Variants in CBLC observed in about 807,000 individuals in gnomAD.
The protein encoded by CBLC is Cbl proto-oncogene C, also known as E3 ubiquitin-protein ligase CBL-C.
In CBLC, 46 loss-of-function variants were observed where a neutral mutation model predicts 58.6. The observed-to-expected ratio is 0.79, with a 90% confidence interval of 0.62 to 1.00. CBLC has a LOEUF of 1.00. Among genes scored for constraint, CBLC ranks in the 50% least tolerant of loss-of-function variants. The pLI, the probability that CBLC is intolerant of heterozygous loss-of-function variation, is 0.00. For missense variants in CBLC, 655 were observed against 625.8 expected, an observed-to-expected ratio of 1.05 and a Z score of -0.50; for synonymous variants, 271 against 264.2, an observed-to-expected ratio of 1.03 and a Z score of -0.25.
intron 9 of CBLC, among the ~76,000 whole-genome samples, chr19:44,794,795 C>A (rs1313251746): frequency 6.6e-6 from 1 of 151,892 alleles, no homozygotes; most frequent in African/African-American, 2.4e-5. Context: ...TCCAGCATCC[C>A]AGATGTGTCC....
upstream of CBLC, chr19:44,777,872 C>G (rs1236378831): frequency 1.3e-5 from 19 of 1,410,966 alleles, no homozygotes; most frequent in Non-Finnish European, 1.8e-5. Flanking sequence ...TCCTTTCACT[C>G]TGGGCGAGGC....
chr19:44,786,610 A>C (rs1967916049), intron 5 of CBLC, among the ~76,000 whole-genome samples: 1 of 151,674 alleles, frequency 6.6e-6, no homozygotes. Context: ...AAAAAAAAAG[A>C]AAAAAAGAAA....
Position 44,781,340 on chromosome 19 carries a change from G to A in CBLC, c.634G>A (p.Asp212Asn), listed in dbSNP as rs749488002. The A allele has an allele frequency of 7.4e-6, 12 of 1,610,822 alleles. No homozygotes were observed. Among genetic ancestry groups the A allele is most frequent in the Middle Eastern group, 1.6e-4 (1 of 6,084 alleles). Reference sequence around the variant, plus strand: ...CGGGCACGTGTCCATCTTCGAGTTCGACGTCTTCACCAGGCTCTTTCAGGT... The same window carrying A: ...CGGGCACGTGTCCATCTTCGAGTTCAACGTCTTCACCAGGCTCTTTCAGGT... ...CSGHVSIFEF[D>N]VFTRLFQPWP... The change falls in exon 3 of 11, where the codon GAC (aspartate) becomes AAC (asparagine). Residue 212 changes from aspartate (D) to asparagine (N), a missense_variant. This residue lies in a region of CBLC where 371 missense variants were observed against 370.8 expected (regional missense o/e 1.00). Coordinates refer to ENST00000647358, the MANE Select transcript of CBLC (RefSeq NM_012116.4).
intron 8 of CBLC, 22 bp downstream of exon 8, chr19:44,793,642 C>A: frequency 6.4e-7 from 1 of 1,561,230 alleles, no homozygotes; most frequent in Non-Finnish European, 8.6e-7. Context: ...CAGCCGGGAG[C>A]TGGAATCCAA....
rs760567497 is a variant in CBLC at position 44,781,344 on chromosome 19, T to A, written c.638T>A (p.Val213Asp). ...SGHVSIFEFD[V>D]FTRLFQPWPT... ...CACGTGTCCATCTTCGAGTTCGACG[T>A]CTTCACCAGGCTCTTTCAGGTCAGG... The change falls in exon 3 of 11, where the codon GTC becomes GAC. Residue 213 changes from valine to aspartate, a missense_variant. Physicochemically the swap from Val to Asp is radical, Grantham distance 152. Transcript: ENST00000647358. 1 of 1,610,516 alleles carries A rather than the reference T, an allele frequency of 6.2e-7. No homozygotes were observed. The highest frequency in any genetic ancestry group is 1.1e-5 in the South Asian group (1 of 91,080).
rs758907585 is a variant in CBLC at position 44,792,389 on chromosome 19, C to G, written c.1012C>G (p.Leu338Val). The G allele has an allele frequency of 6.2e-7, 1 of 1,613,536 alleles. No homozygotes were observed. Among genetic ancestry groups the G allele is most frequent in the Non-Finnish European group, 8.5e-7 (1 of 1,179,916 alleles). Reference sequence around the variant, plus strand: ...CTATCCTCTCACCTGCCAGGAGCAGCTGCAGCTCTACTGGGCCATGGACTC... The same window carrying G: ...CTATCCTCTCACCTGCCAGGAGCAGGTGCAGCTCTACTGGGCCATGGACTC... ...QQRIHVSEEQ[L>V]QLYWAMDSTF... is the part of the protein sequence containing the mutation. The change falls in exon 7 of 11, where the codon CTG (leucine) becomes GTG (valine). Residue 338 changes from leucine (L) to valine (V), a missense_variant. Physicochemically the swap from Leu to Val is conservative, Grantham distance 32. Around this residue, in one of 3 missense-constraint regions of CBLC, gnomAD observed 371 missense variants for 370.8 expected, o/e 1.00. Transcript: ENST00000647358.
intron 8 of CBLC, 67 bp downstream of exon 8, chr19:44,793,687 T>C: frequency 6.9e-7 from 1 of 1,453,722 alleles, no homozygotes; most frequent in Non-Finnish European, 9.4e-7. Context: ...GACTGGAGCC[T>C]GGACTCCTGG....
chr19:44,792,556 C>T lies in CBLC; in HGVS notation c.1137+42C>T, dbSNP rs756093858. The T allele has an allele frequency of 1.7e-5, 26 of 1,527,746 alleles. No homozygotes were observed. The East Asian group carries it at 2.6e-4, about 15-fold the overall frequency. The allele number at this position is 1,527,746 out of a possible 1,614,324, so 94.6% of individuals were successfully genotyped here. On this transcript the variant is annotated intron_variant, in intron 7 of 10. Transcript: ENST00000647358. ...TGGCGCCTTCCCCTCTGGTCTCCCCCTCTCTACAGGGAAAGCCCCAAAAGG... is the reference window on the plus strand; with the variant it reads ...TGGCGCCTTCCCCTCTGGTCTCCCCTTCTCTACAGGGAAAGCCCCAAAAGG...
chr19:44,800,264 C>T (rs1268630176), intron 9 of CBLC, 117 bp from the exon 10 acceptor site: 3 of 705,968 alleles, frequency 4.2e-6, no homozygotes, highest in African/African-American at 3.6e-5. Context: ...GAAGCCACCT[C>T]CAGCCCCCAG....
intron 9 of CBLC, 74 bp from the exon 10 acceptor site, chr19:44,800,307 G>A (rs1395568615): frequency 4.6e-6 from 5 of 1,077,650 alleles, no homozygotes; most frequent in African/African-American, 1.6e-5. Context: ...AAGACAAAGG[G>A]GACAGGGAAG....
intron 1 of CBLC, among the ~76,000 whole-genome samples, chr19:44,779,948 G>A (rs1165782330): frequency 6.6e-6 from 1 of 152,058 alleles, no homozygotes; most frequent in Non-Finnish European, 1.5e-5. Context: ...AATTATAAGA[G>A]AGTGATCAAA....
rs770219520 is a variant in CBLC at position 44,780,902 on chromosome 19, C to T, written c.354-3C>T. 4 of 1,611,074 alleles carry T rather than the reference C, an allele frequency of 2.5e-6. No individual in the cohort carries two copies. Among genetic ancestry groups the T allele is most frequent in the South Asian group, 2.2e-5 (2 of 91,012 alleles). On this transcript the variant is annotated splice_polypyrimidine_tract_variant and splice_region_variant and intron_variant, in intron 1 of 10. Transcript: ENST00000647358. ...TAGCCAGAGTCCTTGCCCATCCCCA[C>T]AGGCGACAGCTGGCCAAGCTGGCCA...
At chr19:44,795,340 A>G (rs1434901164) in intron 9 of CBLC, among the ~76,000 whole-genome samples, 3 of 151,590 alleles carry the variant, frequency 2.0e-5, no homozygotes, top group Admixed American at 1.3e-4. Context: ...ACATCACAAG[A>G]CCCCAACACT....
rs1967772777 is a variant in CBLC at position 44,782,379 on chromosome 19, A to G, written c.667A>G (p.Thr223Ala). 1 of 1,613,780 alleles carries G rather than the reference A, an allele frequency of 6.2e-7. No homozygotes were observed. Among genetic ancestry groups the G allele is most frequent in the Non-Finnish European group, 8.5e-7 (1 of 1,179,800 alleles). The change falls in exon 4 of 11, where the codon ACA becomes GCA. Residue 223 changes from threonine (T) to alanine (A), a missense_variant. Physicochemically the swap from Thr to Ala is moderately conservative, Grantham distance 58. Around this residue, in one of 3 missense-constraint regions of CBLC, gnomAD observed 371 missense variants for 370.8 expected, o/e 1.00. Coordinates refer to ENST00000647358, the MANE Select transcript of CBLC (RefSeq NM_012116.4). Reference protein sequence around the residue: ...VFTRLFQPWPTLLKNWQLLAV... With the variant: ...VFTRLFQPWPALLKNWQLLAV... ...CCCTGCCCCACCCCAGCCATGGCCA[A>G]CACTCCTCAAGAACTGGCAGCTCCT...
intron 3 of CBLC, 80 bp downstream of exon 3, chr19:44,781,443 G>A: frequency 7.7e-6 from 11 of 1,426,402 alleles, no homozygotes; most frequent in Non-Finnish European, 1.1e-5. Context: ...CTGGGTCTGA[G>A]GGAGGAAGGG....
intron 6 of CBLC, among the ~76,000 whole-genome samples, chr19:44,791,837 A>T (rs866618060): frequency 4.8e-4 from 71 of 148,286 alleles, no homozygotes; most frequent in East Asian, 3.5e-3. Context: ...TTGGTTTATT[A>T]TTTTTTTTTT....
Position 44,784,339 on chromosome 19 carries a change from G to A in CBLC, c.855G>A (p.Leu285=), listed in dbSNP as rs779685464. The change falls in exon 5 of 11, where the codon CTG becomes CTA. Residue 285 remains leucine (L), a synonymous_variant. Transcript: ENST00000647358. The stretch of plus-strand genomic sequence containing the variant: ...ATGTGAGCTCAGATGGCAGCATCCT[G>A]CAGACCATCCCTGCCAACAAACCCC... ...IGYVSSDGSI[L]QTIPANKPLS... 1.9e-6 allele frequency: 3 copies of A among 1,602,408 alleles called. No homozygotes were observed. In the African/African-American group the frequency reaches 4.0e-5, roughly 21 times the overall value.
intron 3 of CBLC, among the ~76,000 whole-genome samples, 165 bp downstream of exon 3, chr19:44,781,528 T>TG (rs1568556404): frequency 1.1e-4 from 8 of 73,996 alleles, no homozygotes; most frequent in East Asian, 3.8e-4. Flanking sequence ...AGGAGGGGGC[T>TG]GGGACCTGGA....
chr19:44,793,396 C>A (rs1405536711), intron 7 of CBLC, 78 bp from the exon 8 acceptor site: 1 of 1,426,182 alleles, frequency 7.0e-7, no homozygotes. Flanking sequence ...ATCTTTTGGG[C>A]GGGGAGCTCC....
Sources: gnomAD v4.1 joint callset for allele counts (sites outside exome capture counted in the v4.1 genomes callset) on GRCh38, gnomAD v4.1.1 for gene constraint, gnomAD v4.1.1 regional missense constraint, MANE v1.5 for transcripts, NCBI Gene and HGNC (gene_info 2026-07-23, HGNC 2026-07-21) for gene names.